Variants in CACNA2D3 observed in about 807,000 individuals in gnomAD.
The protein encoded by CACNA2D3 is calcium voltage-gated channel auxiliary subunit alpha2delta 3.
Under a neutral mutation model 160.6 loss-of-function variants are expected in CACNA2D3, and 60 were observed. That is an observed-to-expected ratio of 0.37 (90% confidence interval 0.30 to 0.46). The LOEUF is 0.46. Ranked by LOEUF, CACNA2D3 falls within the 20% of genes least tolerant of loss-of-function variation. CACNA2D3 has a pLI of 1.00. For synonymous variants in CACNA2D3, 558 were observed against 492.9 expected (o/e 1.13, Z -1.75); for missense variants, 1,205 against 1,365.0 (o/e 0.88, Z 1.85).
At chr3:54,316,819 T>A (rs1303090452) in intron 2 of CACNA2D3, among the ~76,000 whole-genome samples, 1 of 152,246 alleles carries the variant, frequency 6.6e-6, no homozygotes, top group Non-Finnish European at 1.5e-5. Context: ...AATAAATCGA[T>A]TCCCTTCTAG....
intron 2 of CACNA2D3, among the ~76,000 whole-genome samples, chr3:54,299,574 T>C (rs577174654): frequency 2.8e-4 from 43 of 152,212 alleles, no homozygotes; most frequent in Non-Finnish European, 5.6e-4. Flanking sequence ...GGAAATGGAA[T>C]AGCTAGAAAA....
At chr3:54,352,682 C>G (rs1408910628) in intron 3 of CACNA2D3, among the ~76,000 whole-genome samples, 1 of 152,210 alleles carries the variant, frequency 6.6e-6, no homozygotes, top group Non-Finnish European at 1.5e-5. Flanking sequence ...CAAATTGCAG[C>G]ATGCTCCCAA....
intron 35 of CACNA2D3, among the ~76,000 whole-genome samples, chr3:55,056,548 T>C (rs1319852052): frequency 6.6e-6 from 1 of 152,188 alleles, no homozygotes; most frequent in African/African-American, 2.4e-5. Context: ...AGTTATGGAA[T>C]CAACCTAAGT....
intron 27 of CACNA2D3, among the ~76,000 whole-genome samples, chr3:54,963,717 ATC>A (rs1461961419): frequency 6.6e-6 from 1 of 152,022 alleles, no homozygotes; most frequent in African/African-American, 2.4e-5. Context: ...TGAAGTGTGA[ATC>A]TCTCTTCGGT....
At chr3:54,700,458 T>C (rs772333972) in intron 11 of CACNA2D3, among the ~76,000 whole-genome samples, 1 of 152,188 alleles carries the variant, frequency 6.6e-6, no homozygotes, top group Non-Finnish European at 1.5e-5. Flanking sequence ...CAACCAAATT[T>C]CAAGTGTTTT....
chr3:54,523,213 C>G (rs1161996255), intron 5 of CACNA2D3, among the ~76,000 whole-genome samples: 1 of 152,032 alleles, frequency 6.6e-6, no homozygotes, highest in Non-Finnish European at 1.5e-5. Context: ...AAGAAGTCAC[C>G]TTCTATTCCT....
At chr3:54,302,124 G>A (rs1342121777) in intron 2 of CACNA2D3, among the ~76,000 whole-genome samples, 2 of 152,164 alleles carry the variant, frequency 1.3e-5, no homozygotes, top group African/African-American at 4.8e-5. Flanking sequence ...AAAACCCTGA[G>A]TATTGCATTC....
Position 54,853,914 on chromosome 3 carries a change from C to T in CACNA2D3, c.1626+7447C>T, listed in dbSNP as rs2360658. 3.4e-3 allele frequency among the ~76,000 whole-genome samples: 514 copies of T among 152,176 alleles called. 1 individual carries two copies. The highest frequency in any genetic ancestry group is 0.011 in the African/African-American group (473 of 41,510). ...GGCCTAGCATTGTTCACGGAACTTTCGGTGGTCCCCAAATGCAGGGATCTG... is the reference window on the plus strand; with the variant it reads ...GGCCTAGCATTGTTCACGGAACTTTTGGTGGTCCCCAAATGCAGGGATCTG... On this transcript the variant is annotated intron_variant, in intron 17 of 37. Coordinates refer to ENST00000474759, the MANE Select transcript of CACNA2D3 (RefSeq NM_018398.3).
At chr3:54,411,382 T>G (rs1375175520) in intron 4 of CACNA2D3, among the ~76,000 whole-genome samples, 2 of 152,160 alleles carry the variant, frequency 1.3e-5, no homozygotes, top group Admixed American at 1.3e-4. Flanking sequence ...GAAGCAAACT[T>G]CATTATTGTC....
intron 27 of CACNA2D3, among the ~76,000 whole-genome samples, chr3:54,927,121 T>G (rs1173699318): frequency 8.5e-5 from 13 of 152,230 alleles, no homozygotes; most frequent in Admixed American, 8.5e-4. Flanking sequence ...TTTGTTTGAT[T>G]GATTGTTTGC....
chr3:55,068,897 A>AAAAG (rs1704732026), intron 35 of CACNA2D3, among the ~76,000 whole-genome samples: 1 of 152,336 alleles, frequency 6.6e-6, no homozygotes, highest in East Asian at 1.9e-4. Context: ...AATAGGGTGT[A>AAAAG]AAAGATTTCC....
At chr3:54,674,434 T>G (rs770319221) in intron 11 of CACNA2D3, among the ~76,000 whole-genome samples, 8 of 151,528 alleles carry the variant, frequency 5.3e-5, no homozygotes, top group Non-Finnish European at 1.0e-4. Flanking sequence ...CTTAGGAGAG[T>G]TGGGAAGATA....
chr3:54,642,426 CT>C (rs1430556361), intron 11 of CACNA2D3, among the ~76,000 whole-genome samples, 185 bp downstream of exon 11: 1 of 151,862 alleles, frequency 6.6e-6, no homozygotes. Context: ...AAAAATGAAA[CT>C]TTTGGAGGAG....
intron 9 of CACNA2D3, among the ~76,000 whole-genome samples, chr3:54,583,099 CGTT>C (rs762417163): frequency 1.3e-5 from 2 of 152,040 alleles, no homozygotes; most frequent in Non-Finnish European, 2.9e-5. Context: ...GAGACTTTCC[CGTT>C]GTTTGGCCAT....
chr3:54,932,697 A>T (rs888807206), intron 27 of CACNA2D3, among the ~76,000 whole-genome samples: 7 of 152,138 alleles, frequency 4.6e-5, no homozygotes, highest in Non-Finnish European at 7.4e-5. Flanking sequence ...CCTTATAACA[A>T]ATATGAGCAT....
At chr3:54,894,923 G>A (rs1213009543) in intron 25 of CACNA2D3, among the ~76,000 whole-genome samples, 1 of 151,364 alleles carries the variant, frequency 6.6e-6, no homozygotes, top group East Asian at 1.9e-4. Flanking sequence ...GGGGATCTCT[G>A]CACTTTCTCA....
At chr3:54,900,365 G>A (rs1306573053) in intron 27 of CACNA2D3, among the ~76,000 whole-genome samples, 1 of 152,194 alleles carries the variant, frequency 6.6e-6, no homozygotes, top group Non-Finnish European at 1.5e-5. Flanking sequence ...CCAGGGGAAA[G>A]CCAAAATATT....
chr3:54,979,171 G>A (rs1425264146), intron 29 of CACNA2D3, among the ~76,000 whole-genome samples: 3 of 152,112 alleles, frequency 2.0e-5, no homozygotes, highest in Non-Finnish European at 4.4e-5. Context: ...ATAACTTGGG[G>A]CTCCTGGGCC....
At chr3:54,298,841 G>C (rs1005213452) in intron 2 of CACNA2D3, among the ~76,000 whole-genome samples, 2 of 150,726 alleles carry the variant, frequency 1.3e-5, no homozygotes, top group African/African-American at 4.9e-5. Context: ...TGCTACTCAG[G>C]AGATTAGTTG....
Sources: allele counts gnomAD v4.1 joint callset (sites outside exome capture counted in the v4.1 genomes callset), GRCh38; gene constraint gnomAD v4.1.1; transcripts MANE v1.5; gene names NCBI Gene and HGNC (gene_info 2026-07-23, HGNC 2026-07-21).